ADAM12: variants seen among roughly 807,000 people sequenced by gnomAD.
ADAM12 encodes disintegrin and metalloproteinase domain-containing protein 12.
ADAM12 carries 70 observed loss-of-function variants against 106.4 expected under a neutral mutation model. The ratio of observed to expected loss-of-function variants is 0.66; its 90% confidence interval spans 0.54 to 0.80. ADAM12 has a LOEUF of 0.80. Among genes scored for constraint, ADAM12 ranks in the 30% least tolerant of loss-of-function variants. The pLI is 0.00. For synonymous variants in ADAM12, 420 were observed against 433.5 expected, an observed-to-expected ratio of 0.97 and a Z score of 0.39; for missense variants, 1,010 against 1,171.9, an observed-to-expected ratio of 0.86 and a Z score of 2.02.
At chr10:126,050,100 AG>A (rs1364858854) in intron 14 of ADAM12, among the ~76,000 whole-genome samples, 1 of 152,252 alleles carries the variant, frequency 6.6e-6, no homozygotes, top group Non-Finnish European at 1.5e-5. Context: ...AATGCAAGCC[AG>A]GGCAGGCTCC....
chr10:126,214,725 G>A (rs1414705722), intron 3 of ADAM12, among the ~76,000 whole-genome samples: 1 of 152,222 alleles, frequency 6.6e-6, no homozygotes, highest in Non-Finnish European at 1.5e-5. Flanking sequence ...AAACGTTTTT[G>A]AGAAGAGTAT....
chr10:126,052,493 A>G (rs545472676), intron 14 of ADAM12, among the ~76,000 whole-genome samples: 9 of 152,322 alleles, frequency 5.9e-5, no homozygotes, highest in Admixed American at 2.0e-4. Flanking sequence ...TACATATACC[A>G]TGACACAATT....
At chr10:126,196,036 G>T (rs1206599126) in intron 3 of ADAM12, among the ~76,000 whole-genome samples, 1 of 152,192 alleles carries the variant, frequency 6.6e-6, no homozygotes, top group African/African-American at 2.4e-5. Context: ...TACTTAACGT[G>T]TTGCTTATGG....
intron 3 of ADAM12, among the ~76,000 whole-genome samples, chr10:126,200,662 G>A (rs1278280711): frequency 6.6e-6 from 1 of 152,140 alleles, no homozygotes; most frequent in Non-Finnish European, 1.5e-5. Context: ...GAACTCTCCA[G>A]GAACGTTAGC....
At chr10:126,314,273 C>T (rs1189427767) in intron 2 of ADAM12, among the ~76,000 whole-genome samples, 4 of 152,072 alleles carry the variant, frequency 2.6e-5, no homozygotes, top group Admixed American at 6.6e-5. Flanking sequence ...GTAGCCAGCT[C>T]GATTGTTAGA....
chr10:126,258,547 C>G (rs921611684), intron 3 of ADAM12, among the ~76,000 whole-genome samples: 4 of 152,246 alleles, frequency 2.6e-5, no homozygotes, highest in African/African-American at 9.6e-5. Flanking sequence ...CCTTCAGTGG[C>G]TTCCCCTGGT....
At chr10:126,156,999 T>C (rs1956828942) in intron 3 of ADAM12, among the ~76,000 whole-genome samples, 1 of 150,388 alleles carries the variant, frequency 6.6e-6, no homozygotes, top group Admixed American at 6.7e-5. Flanking sequence ...CACTCTCCAC[T>C]CTTCACACCG....
chr10:126,230,988 G>T (rs1349665333), intron 3 of ADAM12, among the ~76,000 whole-genome samples: 4 of 152,100 alleles, frequency 2.6e-5, no homozygotes, highest in African/African-American at 9.7e-5. Flanking sequence ...TGCTTTAGAA[G>T]GTTATAAGTT....
intron 11 of ADAM12, among the ~76,000 whole-genome samples, chr10:126,077,617 A>T (rs972971417): frequency 6.6e-6 from 1 of 152,190 alleles, no homozygotes; most frequent in Non-Finnish European, 1.5e-5. Flanking sequence ...AATCTTTGAC[A>T]AAAATTGACA....
intron 3 of ADAM12, among the ~76,000 whole-genome samples, chr10:126,237,145 C>T (rs551991163): frequency 7.2e-5 from 11 of 152,154 alleles, no homozygotes; most frequent in Non-Finnish European, 1.6e-4. Flanking sequence ...CATGACACAT[C>T]TAATTCAGAT....
chr10:126,376,122 G>C (rs550030485), intron 1 of ADAM12, among the ~76,000 whole-genome samples: 1 of 151,794 alleles, frequency 6.6e-6, no homozygotes, highest in African/African-American at 2.4e-5. Flanking sequence ...GAATGAATAA[G>C]GAATGTATAG....
chr10:126,251,694 G>GAC (rs1958764983), intron 3 of ADAM12, among the ~76,000 whole-genome samples: 1 of 334 alleles, frequency 3.0e-3, no homozygotes. Context: ...AGGATGGATG[G>GAC]GATGGATGGA....
intron 17 of ADAM12, among the ~76,000 whole-genome samples, chr10:126,044,681 G>A (rs1208053528): frequency 6.6e-6 from 1 of 152,208 alleles, no homozygotes; most frequent in Non-Finnish European, 1.5e-5. Flanking sequence ...CAACCGACTT[G>A]TTTTGATGAA....
intron 3 of ADAM12, among the ~76,000 whole-genome samples, chr10:126,177,323 T>G (rs1957238016): frequency 6.6e-6 from 1 of 151,788 alleles, no homozygotes; most frequent in South Asian, 2.1e-4. Flanking sequence ...CACTGATAAT[T>G]ACAGAATAAT....
Position 126,043,016 on chromosome 10 carries a change from C to T in ADAM12, c.2104+24G>A, listed in dbSNP as rs1303924214. The T allele has an allele frequency of 1.9e-6, 3 of 1,610,854 alleles. No individual in the cohort carries two copies. Among genetic ancestry groups the T allele is most frequent in the South Asian group, 1.1e-5 (1 of 90,476 alleles). On this transcript the variant is annotated intron_variant, in intron 18 of 22. Transcript: ENST00000448723. This position sits in a 1 kb window ranked among gnomAD's most constrained non-coding sequence, Gnocchi z 4.1. ...CCCCCAGGTGCTCAGCCTCCTCCCA[C>T]CGGGATGCAGGGGCTTCACTGACCT... is the stretch of plus-strand genomic sequence containing the variant.
intron 1 of ADAM12, among the ~76,000 whole-genome samples, chr10:126,364,149 T>TAA (rs903669274): frequency 5.9e-4 from 89 of 151,416 alleles, no homozygotes; most frequent in Non-Finnish European, 4.4e-4. Context: ...CTTTTTTTTT[T>TAA]AAAAAAATCT....
chr10:126,353,015 A>G (rs981888201), intron 1 of ADAM12, among the ~76,000 whole-genome samples: 1 of 152,174 alleles, frequency 6.6e-6, no homozygotes, highest in Non-Finnish European at 1.5e-5. Context: ...GTGCATCCTC[A>G]CTGTGATCAA....
At chr10:126,162,554 G>T (rs1226340562) in intron 3 of ADAM12, among the ~76,000 whole-genome samples, 3 of 152,120 alleles carry the variant, frequency 2.0e-5, no homozygotes, top group Admixed American at 6.5e-5. Context: ...ACACGGAAGG[G>T]ACCTGAGCAG....
In ADAM12 at chr10:126,113,255, A is replaced by G. The variant is rs1298588257; in HGVS notation, c.604-3415T>C. ...GGCTGGAGTCTGGCGAATGGCGGAC[A>G]AGAGTGGACGAGAGGAGGTGGAAGA... On this transcript the variant is annotated intron_variant, in intron 6 of 22. Coordinates refer to ENST00000448723, the MANE Select transcript of ADAM12 (RefSeq NM_001288973.2). Among the ~76,000 whole-genome samples the G allele has an allele frequency of 3.3e-5, 5 of 152,262 alleles. No individual in the cohort carries two copies. In the East Asian group the frequency reaches 9.7e-4, roughly 29 times the overall value.
Sources: allele counts gnomAD v4.1 joint callset (sites outside exome capture counted in the v4.1 genomes callset), GRCh38; gene constraint gnomAD v4.1.1; non-coding constraint Gnocchi (gnomAD v3.1); transcripts MANE v1.5; gene names NCBI Gene and HGNC (gene_info 2026-07-23, HGNC 2026-07-21).